Variants in MDFI observed in about 807,000 individuals in gnomAD.
MDFI encodes the protein inhibitor of MyoD family a.
Under a neutral mutation model 22.3 loss-of-function variants are expected in MDFI, and 16 were observed. The observed-to-expected ratio is 0.72, with a 90% confidence interval of 0.49 to 1.09. The LOEUF is 1.09. MDFI is among the 50% of genes least tolerant of loss of function. The pLI, the probability that MDFI is intolerant of heterozygous loss-of-function variation, is 0.00. For missense variants in MDFI, 314 were observed against 326.1 expected (o/e 0.96, Z 0.29); for synonymous variants, 145 against 142.7 (o/e 1.02, Z -0.12).
At chr6:41,644,532 AGGGTCACTG>A in intron 2 of MDFI, among the ~76,000 whole-genome samples, 1 of 121,864 alleles carries the variant, frequency 8.2e-6, no homozygotes, top group Non-Finnish European at 1.7e-5. Flanking sequence ...AAGGGTCATG[AGGGTCACTG>A]AGGGTCATGG....
chr6:41,653,467 C>A lies in MDFI; in HGVS notation c.633C>A (p.Asp211Glu). Reference protein sequence around the residue: ...CCCCGSGECADCDLPCDLDCG... With the variant: ...CCCCGSGECAECDLPCDLDCG... Reference sequence around the variant, plus strand: ...GCTGTGGCTCTGGCGAGTGTGCCGACTGCGACCTGCCCTGCGACCTGGACT... The same window carrying A: ...GCTGTGGCTCTGGCGAGTGTGCCGAATGCGACCTGCCCTGCGACCTGGACT... The change falls in exon 5 of 5, where the codon GAC becomes GAA. Residue 211 changes from aspartate (D) to glutamate (E), a missense_variant. Physicochemically the swap from Asp to Glu is conservative, Grantham distance 45. Coordinates refer to ENST00000230321, the MANE Select transcript of MDFI (RefSeq NM_005586.4). This position sits in a 1 kb window ranked among gnomAD's most constrained non-coding sequence, Gnocchi z 4.2. 1.2e-6 allele frequency: 2 copies of A among 1,604,274 alleles called. No individual in the cohort carries two copies. The highest frequency in any genetic ancestry group is 1.7e-6 in the Non-Finnish European group (2 of 1,179,948).
At chr6:41,648,067 A>T (rs1212339409) in intron 3 of MDFI, among the ~76,000 whole-genome samples, 3 of 144,510 alleles carry the variant, frequency 2.1e-5, no homozygotes, top group Non-Finnish European at 4.5e-5. Flanking sequence ...AAAAAAAAAA[A>T]GAAGCTGCTC....
Position 41,646,210 on chromosome 6 carries a change from T to C in MDFI, c.161T>C (p.Leu54Pro), listed in dbSNP as rs563779599. The C allele has an allele frequency of 1.3e-6, 2 of 1,593,662 alleles. No homozygotes were observed. The highest frequency in any genetic ancestry group is 4.7e-5 in the East Asian group (2 of 42,758). ...PAEAAPEEGS[L>P]EEAATPMPQG... ...GAGGCAGCACCAGAGGAGGGCTCCCTGGAGGAGGCGGCAACCCCCATGCCC... is the reference window on the plus strand; with the variant it reads ...GAGGCAGCACCAGAGGAGGGCTCCCCGGAGGAGGCGGCAACCCCCATGCCC... Residue 54 changes from leucine to proline, a missense_variant, in exon 3 of 5, where the codon CTG (leucine) becomes CCG (proline). Physicochemically the swap from Leu to Pro is moderately conservative, Grantham distance 98 (BLOSUM62 -3). Transcript: ENST00000230321.
At position 41,649,887 on chromosome 6, in the gene MDFI, C is replaced by T. The variant is rs201629077; in HGVS notation, c.484+44C>T. ...TCTCCCTGGGAGAGGCCTCCAAAGC[C>T]GGGTTCCTCGAAGCATGACGCATGG... On this transcript the variant is annotated intron_variant, in intron 4 of 4. Coordinates refer to ENST00000230321, the MANE Select transcript of MDFI (RefSeq NM_005586.4). 137 of 1,567,826 alleles carry T rather than the reference C, an allele frequency of 8.7e-5. No homozygotes were observed. The Admixed American group carries it at 9.1e-4, about 10-fold the overall frequency.
Position 41,653,810 on chromosome 6 carries a change from T to G in MDFI, c.*235T>G. ...CCATGGCAGAGAAGCCTGAACTCTT[T>G]ACTGGGTTACCAGGTTCATACATTG... On this transcript the variant is annotated 3_prime_UTR_variant, in exon 5 of 5. Coordinates refer to ENST00000230321, the MANE Select transcript of MDFI (RefSeq NM_005586.4). This position sits in a 1 kb window ranked among gnomAD's most constrained non-coding sequence, Gnocchi z 4.2. 1.7e-6 allele frequency: 1 copy of G among 592,208 alleles called. No individual in the cohort carries two copies. The highest frequency in any genetic ancestry group is 1.9e-5 in the African/African-American group (1 of 53,746). The allele number at this position is 592,208 out of a possible 1,614,324, so 36.7% of individuals were successfully genotyped here.
Position 41,646,322 on chromosome 6 carries a change from G to A in MDFI, c.259+14G>A. ...AAGCTGTGACATGTGAGTCCTAGGG[G>A]GCCAGGAGGTTGGATGGCAACATGT... On this transcript the variant is annotated intron_variant, in intron 3 of 4. Transcript: ENST00000230321. 2 of 1,403,564 alleles carry A rather than the reference G, an allele frequency of 1.4e-6. No individual in the cohort carries two copies. The highest frequency in any genetic ancestry group is 1.8e-5 in the South Asian group (1 of 55,794). 86.9% of individuals were successfully genotyped at this position (1,403,564 alleles called of 1,614,324 possible).
intron 2 of MDFI, chr6:41,639,942 G>A (rs959569192): frequency 6.1e-6 from 6 of 984,662 alleles, no homozygotes; most frequent in South Asian, 9.4e-5. Context: ...TAGTTGTGGA[G>A]GTGGGGGGTC....
In MDFI at chr6:41,646,175, T is replaced by C; in HGVS notation, c.126T>C (p.Thr42=). The C allele has an allele frequency of 3.2e-6, 5 of 1,585,676 alleles. No individual in the cohort carries two copies. Among genetic ancestry groups the C allele is most frequent in the Non-Finnish European group, 4.3e-6 (5 of 1,166,510 alleles). Residue 42 remains threonine (T), a synonymous_variant, in exon 3 of 5, where the codon ACT becomes ACC. Coordinates refer to ENST00000230321, the MANE Select transcript of MDFI (RefSeq NM_005586.4). ...LPGLEVVTGS[T]HPAEAAPEEG... is the part of the protein sequence containing the mutation. ...GGCTGGAGGTAGTAACAGGATCCAC[T>C]CACCCTGCGGAGGCAGCACCAGAGG...
intron 4 of MDFI, among the ~76,000 whole-genome samples, chr6:41,651,531 T>TGGGCG (rs1768272347): frequency 7.8e-6 from 1 of 127,840 alleles, no homozygotes; most frequent in Non-Finnish European, 1.7e-5. Flanking sequence ...TCCTGGGAGG[T>TGGGCG]CCTTACCAAC....
At position 41,638,621 on chromosome 6, in the gene MDFI, G is replaced by A; in HGVS notation, c.-43G>A. 8.7e-7 allele frequency: 1 copy of A among 1,154,894 alleles called. No individual in the cohort carries two copies. Among genetic ancestry groups the A allele is most frequent in the Non-Finnish European group, 1.2e-6 (1 of 832,734 alleles). 71.5% of individuals were successfully genotyped at this position (1,154,894 alleles called of 1,614,324 possible). On this transcript the variant is annotated 5_prime_UTR_variant, in exon 1 of 5. Transcript: ENST00000230321. The surrounding 1 kb of genome is among the most constrained non-coding windows in gnomAD (Gnocchi z 7.6). Reference sequence around the variant, plus strand: ...CATGGCGGGCCCCGCGCGGGGATCCGGCTGGAAGAGAGCGTAGCACGGCTC... The same window carrying A: ...CATGGCGGGCCCCGCGCGGGGATCCAGCTGGAAGAGAGCGTAGCACGGCTC...
Position 41,646,133 on chromosome 6 carries a change from C to A in MDFI, c.84C>A (p.Thr28=). The A allele has an allele frequency of 6.6e-7, 1 of 1,522,778 alleles. No individual in the cohort carries two copies. Among genetic ancestry groups the A allele is most frequent in the South Asian group, 1.3e-5 (1 of 76,946 alleles). 94.3% of individuals were successfully genotyped at this position (1,522,778 alleles called of 1,614,324 possible). A position where few individuals can be genotyped will look rare whatever the true frequency, so the allele number is the denominator to read the frequency against. ...APSAAPGPAQ[T]LSLLPGLEVV... ...CATCTGCTTTTTTCCTAGCCCAGACCCTATCCCTCCTTCCTGGGCTGGAGG... is the reference window on the plus strand; with the variant it reads ...CATCTGCTTTTTTCCTAGCCCAGACACTATCCCTCCTTCCTGGGCTGGAGG... The change falls in exon 3 of 5, where the codon ACC becomes ACA. Residue 28 remains threonine, a synonymous_variant. Transcript: ENST00000230321.
At chr6:41,648,009 A>G (rs1159056508) in intron 3 of MDFI, among the ~76,000 whole-genome samples, 1 of 130,126 alleles carries the variant, frequency 7.7e-6, no homozygotes, top group Admixed American at 9.8e-5. Context: ...GCGCCACTGC[A>G]CTCTGGCCTG....
intron 4 of MDFI, among the ~76,000 whole-genome samples, chr6:41,650,972 G>A (rs1000312571): frequency 1.8e-4 from 28 of 152,172 alleles, no homozygotes; most frequent in African/African-American, 4.8e-4. Flanking sequence ...GGGATCCACC[G>A]AGGCAGGTGG....
intron 4 of MDFI, among the ~76,000 whole-genome samples, chr6:41,652,809 G>A (rs1336509440): frequency 2.0e-5 from 3 of 151,954 alleles, no homozygotes; most frequent in Non-Finnish European, 2.9e-5. Context: ...ATAGAGATGG[G>A]ATTTCGCCAT....
chr6:41,649,677 C>T lies in MDFI; in HGVS notation c.318C>T (p.His106=). The change falls in exon 4 of 5, where the codon CAC becomes CAT. Residue 106 remains histidine (H), a synonymous_variant. Coordinates refer to ENST00000230321, the MANE Select transcript of MDFI (RefSeq NM_005586.4). ...CACTTCTGCCGAATGACTCTGGCCA[C>T]CCCTCAGAGCTGGGCGGCACCAGAC... ...CTPLLPNDSG[H]PSELGGTRRA... The T allele has an allele frequency of 6.2e-7, 1 of 1,613,444 alleles. No homozygotes were observed. The highest frequency in any genetic ancestry group is 8.5e-7 in the Non-Finnish European group (1 of 1,179,618).
intron 2 of MDFI, chr6:41,639,985 T>C (rs1767789597): frequency 1.1e-6 from 1 of 938,150 alleles, no homozygotes; most frequent in Non-Finnish European, 1.3e-6. Flanking sequence ...GTGGAAGATG[T>C]CTGGCCAACA....
chr6:41,652,282 C>T (rs965056460), intron 4 of MDFI, among the ~76,000 whole-genome samples: 1 of 152,144 alleles, frequency 6.6e-6, no homozygotes, highest in South Asian at 2.1e-4. Flanking sequence ...AGGAGGCTGG[C>T]GTGGCCAGAG....
rs1768049939 is a variant in MDFI at position 41,646,263 on chromosome 6, G to C, written c.214G>C (p.Gly72Arg). 1 of 1,557,420 alleles carries C rather than the reference G, an allele frequency of 6.4e-7. No homozygotes were observed. Among genetic ancestry groups the C allele is most frequent in the East Asian group, 2.4e-5 (1 of 41,412 alleles). The change falls in exon 3 of 5, where the codon GGC becomes CGC. Residue 72 changes from glycine to arginine, a missense_variant. Gly to Arg is a moderately radical substitution (Grantham distance 125, BLOSUM62 -2). Coordinates refer to ENST00000230321, the MANE Select transcript of MDFI (RefSeq NM_005586.4). ...AGGCAATGGCCCTGGCATCCCCCAG[G>C]GCCTGGACAGCACTGACCTCGACGT... is the stretch of plus-strand genomic sequence containing the variant. ...PQGNGPGIPQGLDSTDLDVPT... is the reference protein window; with the variant it reads ...PQGNGPGIPQRLDSTDLDVPT...
Position 41,639,271 on chromosome 6 carries a change from T to A in MDFI, c.76+446T>A, listed in dbSNP as rs923380397. ...CCAGAGCCCAGCGCTTCCCGAAAAC[T>A]TTTGTCTGCCGCGAGCGGCTGCAGG... On this transcript the variant is annotated intron_variant, in intron 2 of 4. Transcript: ENST00000230321. 9 of 985,124 alleles carry A rather than the reference T, an allele frequency of 9.1e-6. No individual in the cohort carries two copies. In the African/African-American group the frequency reaches 1.4e-4, roughly 15 times the overall value. 61.0% of individuals were successfully genotyped at this position (985,124 alleles called of 1,614,324 possible). A position where few individuals can be genotyped will look rare whatever the true frequency, so the allele number is the denominator to read the frequency against.
Sources: allele counts gnomAD v4.1 joint callset (sites outside exome capture counted in the v4.1 genomes callset), GRCh38; gene constraint gnomAD v4.1.1; non-coding constraint Gnocchi (gnomAD v3.1); transcripts MANE v1.5; gene names NCBI Gene and HGNC (gene_info 2026-07-23, HGNC 2026-07-21).